Variants in TSNARE1 observed in about 807,000 individuals in gnomAD.
TSNARE1 encodes the protein t-SNARE domain-containing protein 1.
Under a neutral mutation model 62.0 loss-of-function variants are expected in TSNARE1, and 49 were observed. That is an observed-to-expected ratio of 0.79 (90% CI 0.63 to 1.00). TSNARE1 has a LOEUF of 1.00. TSNARE1 is among the 50% of genes least tolerant of loss of function. The probability of loss-of-function intolerance (pLI) is 0.00; values close to 1 mark genes in which losing one functional copy is unlikely to be tolerated. For synonymous variants in TSNARE1, 328 were observed against 294.4 expected (o/e 1.11, Z -1.17); for missense variants, 755 against 700.1 (o/e 1.08, Z -0.88).
intron 12 of TSNARE1, among the ~76,000 whole-genome samples, chr8:142,264,689 C>A (rs1357057055): frequency 6.6e-6 from 1 of 152,196 alleles, no homozygotes; most frequent in African/African-American, 2.4e-5. Context: ...GTCTTAAAGT[C>A]CATTTTGTCT....
At chr8:142,279,581 G>A (rs1327659054) in intron 11 of TSNARE1, among the ~76,000 whole-genome samples, 3 of 152,186 alleles carry the variant, frequency 2.0e-5, no homozygotes, top group Non-Finnish European at 4.4e-5. Context: ...GCCCCTTGAT[G>A]GCACAATGCT....
At chr8:142,356,856 A>G (rs1441861376) in intron 1 of TSNARE1, among the ~76,000 whole-genome samples, 1 of 152,092 alleles carries the variant, frequency 6.6e-6, no homozygotes, top group East Asian at 1.9e-4. Flanking sequence ...TCTGGTTCCA[A>G]CACCTGAGTT....
chr8:142,249,028 T>C (rs1377892825), intron 12 of TSNARE1, among the ~76,000 whole-genome samples: 5 of 151,820 alleles, frequency 3.3e-5, no homozygotes, highest in Non-Finnish European at 7.4e-5. Flanking sequence ...AAAGCCTGAG[T>C]CTCCATCAGT....
chr8:142,299,514 ACCG>A (rs1825325508), intron 10 of TSNARE1, among the ~76,000 whole-genome samples: 1 of 152,232 alleles, frequency 6.6e-6, no homozygotes, highest in African/African-American at 2.4e-5. Context: ...CTCGGATCCC[ACCG>A]CCAACAGAGC....
At chr8:142,328,216 CTT>C (rs1830531956) in intron 6 of TSNARE1, among the ~76,000 whole-genome samples, 1 of 151,826 alleles carries the variant, frequency 6.6e-6, no homozygotes, top group South Asian at 2.1e-4. Flanking sequence ...ACTAATAACT[CTT>C]TGTTAAGCCC....
intron 5 of TSNARE1, 47 bp from the exon 6 acceptor site, chr8:142,331,017 G>A (rs753524814): frequency 1.3e-5 from 21 of 1,561,858 alleles, no homozygotes; most frequent in Non-Finnish European, 1.7e-5. Flanking sequence ...GAGCTTCCCT[G>A]CCCCCTGCTA....
rs371542858 is a variant in TSNARE1, at chr8:142,283,329, A to G, written c.1363+1084T>C. Among the ~76,000 whole-genome samples the G allele has an allele frequency of 2.5e-3, 369 of 149,088 alleles. 2 individuals are homozygous for G. Among genetic ancestry groups the G allele is most frequent in the Non-Finnish European group, 3.5e-3 (233 of 67,022 alleles). On this transcript the variant is annotated intron_variant, in intron 11 of 13. Coordinates refer to ENST00000524325, the MANE Select transcript of TSNARE1 (RefSeq NM_145003.5). The stretch of plus-strand genomic sequence containing the variant: ...GCGGGGCCAGTGTCTGCCAATGAGC[A>G]GAGGCGGGGCCAGTGTCTGTCAATG...
intron 1 of TSNARE1, among the ~76,000 whole-genome samples, chr8:142,379,361 G>A (rs1045311661): frequency 2.6e-4 from 39 of 152,300 alleles, no homozygotes; most frequent in African/African-American, 7.9e-4. Context: ...CTCTGCACTC[G>A]TGCTGCGCTC....
Position 142,365,623 on chromosome 8 carries a change from CACACACACACAGAGAG to C in TSNARE1, c.-39-10876_-39-10861del, listed in dbSNP as rs796828348. On this transcript the variant is annotated intron_variant, in intron 1 of 13. Transcript: ENST00000524325. Reference sequence around the variant, plus strand: ...ACACGCACACACACACACACACACACACACACACACAGAGAGAGAGAGGGGAACAAAGAATAAACCA... The same window carrying C: ...ACACGCACACACACACACACACACACAGAGAGGGGAACAAAGAATAAACCA... Among the ~76,000 whole-genome samples the C allele has an allele frequency of 6.0e-4, 89 of 149,340 alleles. No homozygotes were observed. In the South Asian group the frequency reaches 0.019, roughly 31 times the overall value.
chr8:142,318,506 C>T, intron 7 of TSNARE1, 38 bp downstream of exon 7: 1 of 1,589,944 alleles, frequency 6.3e-7, no homozygotes, highest in Middle Eastern at 1.7e-4. Context: ...GGGGTCCATT[C>T]CTCTCCTCCC....
At chr8:142,241,725 G>C (rs1817674737) in intron 12 of TSNARE1, among the ~76,000 whole-genome samples, 1 of 152,142 alleles carries the variant, frequency 6.6e-6, no homozygotes, top group Non-Finnish European at 1.5e-5. Context: ...CTAATCTTTG[G>C]CAAAGTTGTC....
At chr8:142,322,969 T>A (rs933733714) in intron 6 of TSNARE1, among the ~76,000 whole-genome samples, 2 of 151,358 alleles carry the variant, frequency 1.3e-5, no homozygotes, top group African/African-American at 4.9e-5. Flanking sequence ...TGGACAACGA[T>A]ACTATTATGA....
intron 13 of TSNARE1, among the ~76,000 whole-genome samples, chr8:142,225,816 T>C (rs1386160600): frequency 6.6e-6 from 1 of 152,200 alleles, no homozygotes; most frequent in Non-Finnish European, 1.5e-5. Flanking sequence ...ATGCGGGCGG[T>C]GCTCTAAACA....
intron 1 of TSNARE1, among the ~76,000 whole-genome samples, chr8:142,359,276 A>G (rs1563983360): frequency 2.0e-5 from 3 of 152,130 alleles, no homozygotes; most frequent in African/African-American, 7.2e-5. Context: ...GCCATGCTCC[A>G]TAAGATGCAG....
At chr8:142,355,000 T>C (rs570178450) in intron 1 of TSNARE1, among the ~76,000 whole-genome samples, 1 of 151,090 alleles carries the variant, frequency 6.6e-6, no homozygotes, top group Non-Finnish European at 1.5e-5. Flanking sequence ...AAACACAGCC[T>C]GAGGAAGGTG....
At chr8:142,217,319 G>A (rs1815901984) in intron 13 of TSNARE1, among the ~76,000 whole-genome samples, 1 of 34,986 alleles carries the variant, frequency 2.9e-5, no homozygotes, top group Non-Finnish European at 7.4e-5. Flanking sequence ...AAGAAAGAAA[G>A]AAAGAAAGAA....
intron 12 of TSNARE1, among the ~76,000 whole-genome samples, chr8:142,254,139 C>A (rs552982322): frequency 6.6e-6 from 1 of 152,252 alleles, no homozygotes; most frequent in Non-Finnish European, 1.5e-5. Flanking sequence ...CCCGGGAGCC[C>A]GGCCGGCTGG....
At chr8:142,331,606 A>G (rs964159405) in intron 5 of TSNARE1, 148 bp downstream of exon 5, 1 of 729,804 alleles carries the variant, frequency 1.4e-6, no homozygotes, top group Non-Finnish European at 2.3e-6. Context: ...CTCGCATCCA[A>G]CGTCGCATCA....
chr8:142,282,604 A>G (rs140670322), intron 11 of TSNARE1, among the ~76,000 whole-genome samples: 3,079 of 94,004 alleles, frequency 0.033, no homozygotes, highest in African/African-American at 0.063. Flanking sequence ...ATCAATGAGC[A>G]GAGGGGAGGC....
Sources: allele counts gnomAD v4.1 joint callset (sites outside exome capture counted in the v4.1 genomes callset), GRCh38; gene constraint gnomAD v4.1.1; transcripts MANE v1.5; gene names NCBI Gene and HGNC (gene_info 2026-07-23, HGNC 2026-07-21).